The following CEP295 variants were observed in gnomAD, a reference collection of about 807,000 sequenced individuals.
The protein encoded by CEP295 is centrosomal protein of 295 kDa.
In CEP295, 190 loss-of-function variants were observed where a neutral mutation model predicts 291.6. The observed-to-expected ratio is 0.65, with a 90% CI of 0.58 to 0.73. The LOEUF (loss-of-function observed/expected upper bound fraction) is 0.73, where lower values mean the gene tolerates loss of function less well. Among genes scored for constraint, CEP295 ranks in the 30% least tolerant of loss-of-function variants. The pLI, the probability that CEP295 is intolerant of heterozygous loss-of-function variation, is 0.00. For missense variants in CEP295, 2,863 were observed against 2,949.4 expected, an observed-to-expected ratio of 0.97 and a Z score of 0.68; for synonymous variants, 993 against 1,038.8, an observed-to-expected ratio of 0.96 and a Z score of 0.85.
chr11:93,727,255 G>A lies in CEP295; in HGVS notation c.6779G>A (p.Gly2260Asp), dbSNP rs1004161253. 1 of 1,551,608 alleles carries A rather than the reference G, an allele frequency of 6.4e-7. No individual in the cohort carries two copies. The highest frequency in any genetic ancestry group is 2.4e-5 in the East Asian group (1 of 40,920). Reference sequence around the variant, plus strand: ...AATGTACAGCATAGCACTCCATGTGGTTCTAACTCTAGTGAGTGCTCAACA... The same window carrying A: ...AATGTACAGCATAGCACTCCATGTGATTCTAACTCTAGTGAGTGCTCAACA... ...QLNVQHSTPC[G>D]SNSSECSTKH... Residue 2260 changes from glycine (G) to aspartate (D), a missense_variant, in exon 24 of 30, where the codon GGT becomes GAT. Around this residue, in one of 3 missense-constraint regions of CEP295, gnomAD observed 2,295 missense variants for 2,335.7 expected, o/e 0.98. Coordinates refer to ENST00000325212, the MANE Select transcript of CEP295 (RefSeq NM_033395.2).
intron 6 of CEP295, among the ~76,000 whole-genome samples, 160 bp downstream of exon 6, chr11:93,675,826 G>A (rs577402628): frequency 6.6e-6 from 1 of 152,098 alleles, no homozygotes; most frequent in South Asian, 2.1e-4. Context: ...TTTCATGTCA[G>A]GCATATGATG....
chr11:93,679,570 C>T lies in CEP295; in HGVS notation c.765+18C>T, dbSNP rs921684827. On this transcript the variant is annotated intron_variant, in intron 7 of 29. Coordinates refer to ENST00000325212, the MANE Select transcript of CEP295 (RefSeq NM_033395.2). ...TGGCTCAAGTAAGACTTATATTCTACCCATGACCATTACTCATGGACTTAC... is the reference window on the plus strand; with the variant it reads ...TGGCTCAAGTAAGACTTATATTCTATCCATGACCATTACTCATGGACTTAC... 1 of 1,546,968 alleles carries T rather than the reference C, an allele frequency of 6.5e-7. No individual in the cohort carries two copies. Among genetic ancestry groups the T allele is most frequent in the African/African-American group, 1.4e-5 (1 of 72,976 alleles).
Position 93,667,751 on chromosome 11 carries a change from CTG to C in CEP295, c.255_256del (p.Tyr86PhefsTer18). 6.4e-7 allele frequency: 1 copy of C among 1,551,368 alleles called. No individual in the cohort carries two copies. Among genetic ancestry groups the C allele is most frequent in the Non-Finnish European group, 8.7e-7 (1 of 1,146,838 alleles). On this transcript the variant is annotated frameshift_variant, in exon 3 of 30. Transcript: ENST00000325212. LOFTEE classifies it high-confidence loss of function. ...TCAGAAAATACAGAACTTGGAAAAACTGTATTTGGCAAGTTTAAGAAGTATGG... is the reference window on the plus strand; with the variant it reads ...TCAGAAAATACAGAACTTGGAAAAACTATTTGGCAAGTTTAAGAAGTATGG... Reference protein sequence around the residue: ...QTQKIQNLEKLYLASLRSMGE... With the variant: ...QTQKIQNLEKXYLASLRSMGE...
In CEP295 at chr11:93,697,244, T is replaced by C; in HGVS notation, c.2332T>C (p.Tyr778His). ...CTCAGAGAATAGTGAAAATATATCTTACCATTTAACTGAACCTTCTTCATT... is the reference window on the plus strand; with the variant it reads ...CTCAGAGAATAGTGAAAATATATCTCACCATTTAACTGAACCTTCTTCATT... ...LFSENSENIS[Y>H]HLTEPSSFVP... Residue 778 changes from tyrosine (Y) to histidine (H), a missense_variant, in exon 15 of 30, where the codon TAC becomes CAC. Coordinates refer to ENST00000325212, the MANE Select transcript of CEP295 (RefSeq NM_033395.2). 2.6e-6 allele frequency: 4 copies of C among 1,551,742 alleles called. No individual in the cohort carries two copies. Among genetic ancestry groups the C allele is most frequent in the Non-Finnish European group, 3.5e-6 (4 of 1,146,988 alleles).
At chr11:93,680,475 T>C (rs1392740354) in intron 7 of CEP295, among the ~76,000 whole-genome samples, 1 of 152,128 alleles carries the variant, frequency 6.6e-6, no homozygotes, top group Non-Finnish European at 1.5e-5. Flanking sequence ...CGTGGTGGCC[T>C]GGGACTACAG....
chr11:93,729,219 C>G, intron 25 of CEP295: 1 of 588,970 alleles, frequency 1.7e-6, no homozygotes, highest in Non-Finnish European at 3.0e-6. Context: ...GGCAGTGGAG[C>G]CTAAGCCCAG....
chr11:93,684,744 T>A (rs534645641), intron 9 of CEP295, among the ~76,000 whole-genome samples: 24 of 152,330 alleles, frequency 1.6e-4, no homozygotes, highest in South Asian at 1.4e-3. Context: ...CCCTTATGTG[T>A]ATGCCCTCAG....
rs2135101875 is a variant in CEP295 at position 93,697,273 on chromosome 11, A to C, written c.2361A>C (p.Val787=). Residue 787 remains valine, a synonymous_variant, in exon 15 of 30, where the codon GTA becomes GTC. Coordinates refer to ENST00000325212, the MANE Select transcript of CEP295 (RefSeq NM_033395.2). ...ATTTAACTGAACCTTCTTCATTTGT[A>C]CCACTGGTACCTCAGCATTCTTTTA... The part of the protein sequence containing the change: ...SYHLTEPSSF[V]PLVPQHSFSS... 1 of 1,551,806 alleles carries C rather than the reference A, an allele frequency of 6.4e-7. No homozygotes were observed. The highest frequency in any genetic ancestry group is 1.2e-5 in the South Asian group (1 of 84,062).
chr11:93,687,987 AG>A, intron 10 of CEP295, 122 bp downstream of exon 10: 2 of 594,742 alleles, frequency 3.4e-6, no homozygotes, highest in Non-Finnish European at 5.6e-6. Context: ...GCTAATTAAA[AG>A]CAACAAAGAA....
rs889916406 is a variant in CEP295 at position 93,677,050 on chromosome 11, C to T, written c.624+1384C>T. 8.4e-4 allele frequency among the ~76,000 whole-genome samples: 128 copies of T among 151,850 alleles called. 3 individuals are homozygous for T. Among genetic ancestry groups the T allele is most frequent in the Non-Finnish European group, 7.4e-5 (5 of 67,882 alleles). On this transcript the variant is annotated intron_variant, in intron 6 of 29. Transcript: ENST00000325212. Reference sequence around the variant, plus strand: ...GTTTATTACTGAACACATTTTTATTCGAATATTTTCTTTTATTTGCTGCTT... The same window carrying T: ...GTTTATTACTGAACACATTTTTATTTGAATATTTTCTTTTATTTGCTGCTT...
At chr11:93,674,722 AAG>A (rs1283015866) in intron 5 of CEP295, among the ~76,000 whole-genome samples, 12 of 152,206 alleles carry the variant, frequency 7.9e-5, no homozygotes, top group Non-Finnish European at 1.5e-4. Context: ...CATCCAGCAG[AAG>A]TGTTAGCATT....
At chr11:93,726,788 G>C (rs1004192486) in intron 23 of CEP295, 188 bp from the exon 24 acceptor site, 1 of 455,368 alleles carries the variant, frequency 2.2e-6, no homozygotes, top group Non-Finnish European at 3.9e-6. Context: ...AAAAATACTT[G>C]GTGTGAGCTG....
chr11:93,667,886 C>T, intron 3 of CEP295, 79 bp downstream of exon 3: 1 of 979,042 alleles, frequency 1.0e-6, no homozygotes, highest in Non-Finnish European at 1.5e-6. Flanking sequence ...GAATGCTTTT[C>T]TGATAACATT....
rs745528488 is a variant in CEP295, at chr11:93,730,239, AGAG to A, written c.7777_7779del (p.Glu2593del). ...TTTTATTCCTTCCACAGAAAACACT[AGAG>A]AAACTTCGAGCCAAAAATACATGCT... On this transcript the variant is annotated inframe_deletion, in exon 30 of 30. Coordinates refer to ENST00000325212, the MANE Select transcript of CEP295 (RefSeq NM_033395.2). The A allele has an allele frequency of 7.7e-6, 12 of 1,551,130 alleles. No individual in the cohort carries two copies. The highest frequency in any genetic ancestry group is 1.0e-5 in the Non-Finnish European group (12 of 1,146,856).
rs141829239 is a variant in CEP295, at chr11:93,713,914, A to ATTC, written c.5749+7019_5749+7020insCTT. 7.9e-3 allele frequency among the ~76,000 whole-genome samples: 1,208 copies of ATTC among 152,116 alleles called. 21 individuals carry two copies. The highest frequency in any genetic ancestry group is 0.053 in the East Asian group (271 of 5,158). The stretch of plus-strand genomic sequence containing the variant: ...AACCTGTCTTCAGGTTCACTAATTC[A>ATTC]TTGTGCTTGATCAGTTCTACTATTA... On this transcript the variant is annotated intron_variant, in intron 18 of 29. Coordinates refer to ENST00000325212, the MANE Select transcript of CEP295 (RefSeq NM_033395.2).
intron 21 of CEP295, 190 bp from the exon 22 acceptor site, chr11:93,724,064 C>A: frequency 2.3e-6 from 1 of 439,104 alleles, no homozygotes; most frequent in Non-Finnish European, 3.9e-6. Context: ...TTGAAATAAT[C>A]ATGATAGGAC....
intron 6 of CEP295, 112 bp from the exon 7 acceptor site, chr11:93,679,300 C>T (rs1038856430): frequency 6.8e-6 from 6 of 878,318 alleles, no homozygotes; most frequent in Non-Finnish European, 1.0e-5. Context: ...AAATATAACT[C>T]TTCTTATATT....
rs536989205 is a variant in CEP295 at position 93,661,750 on chromosome 11, C to T, written c.-51C>T. On this transcript the variant is annotated 5_prime_UTR_variant, in exon 1 of 30. Coordinates refer to ENST00000325212, the MANE Select transcript of CEP295 (RefSeq NM_033395.2). ...GCTGGCTTGCTCTGAGCTGCGGTTACTGTGTCCAGGCCCCGGGTTCTCAGG... is the reference window on the plus strand; with the variant it reads ...GCTGGCTTGCTCTGAGCTGCGGTTATTGTGTCCAGGCCCCGGGTTCTCAGG... The T allele has an allele frequency of 1.8e-4, 28 of 152,924 alleles. No individual in the cohort carries two copies. The highest frequency in any genetic ancestry group is 4.6e-4 in the African/African-American group (19 of 41,594). The allele number at this position is 152,924 out of a possible 1,614,324, so 9.5% of individuals were successfully genotyped here. A position where few individuals can be genotyped will look rare whatever the true frequency, so the allele number is the denominator to read the frequency against.
At chr11:93,700,306 T>C in intron 15 of CEP295, 120 bp downstream of exon 15, 1 of 916,074 alleles carries the variant, frequency 1.1e-6, no homozygotes, top group South Asian at 1.9e-5. Context: ...AACTGTGCTT[T>C]GATTTTTCAC....
Sources: allele counts gnomAD v4.1 joint callset (sites outside exome capture counted in the v4.1 genomes callset), GRCh38; gene constraint gnomAD v4.1.1; regional missense constraint gnomAD v4.1.1; transcripts MANE v1.5; gene names NCBI Gene and HGNC (gene_info 2026-07-23, HGNC 2026-07-21).